Variants in ZNF653 observed in about 807,000 individuals in gnomAD.
ZNF653 encodes the protein 67 kDa zinc finger protein.
A neutral mutation model predicts 59.9 loss-of-function variants in ZNF653; 37 were observed. That is an observed-to-expected ratio of 0.62 (90% CI 0.48 to 0.81). The LOEUF is 0.81. Ranked by LOEUF, ZNF653 falls within the 40% of genes least tolerant of loss-of-function variation. ZNF653 has a pLI of 0.00. For synonymous variants in ZNF653, 435 were observed against 371.8 expected (o/e 1.17, Z -1.96); for missense variants, 808 against 881.1 (o/e 0.92, Z 1.05).
chr19:11,487,978 T>TTTTTTTA lies in ZNF653; in HGVS notation c.560-76_560-75insTAAAAAA, dbSNP rs1555736352. 1.8e-6 allele frequency: 2 copies of TTTTTTTA among 1,134,862 alleles called. No homozygotes were observed. The highest frequency in any genetic ancestry group is 2.2e-6 in the Non-Finnish European group (2 of 903,324). 70.3% of individuals were successfully genotyped at this position (1,134,862 alleles called of 1,614,324 possible). On this transcript the variant is annotated intron_variant, in intron 3 of 8. Transcript: ENST00000293771. This position sits in a 1 kb window ranked among gnomAD's most constrained non-coding sequence, Gnocchi z 5.1. ...ATTTGTTTATTTAGTTTTTATTTTATTTTATTTATTTATTTATTTATTTTT... is the reference window on the plus strand; with the variant it reads ...ATTTGTTTATTTAGTTTTTATTTTATTTTTTTATTTATTTATTTATTTATTTATTTTT...
At chr19:11,492,755 T>C (rs1971542185) in intron 3 of ZNF653, among the ~76,000 whole-genome samples, 1 of 152,214 alleles carries the variant, frequency 6.6e-6, no homozygotes, top group Non-Finnish European at 1.5e-5. Context: ...CCGAGAAGGC[T>C]GTGTGGTGCA....
At chr19:11,497,311 T>C (rs1325078778) in intron 2 of ZNF653, among the ~76,000 whole-genome samples, 1 of 152,236 alleles carries the variant, frequency 6.6e-6, no homozygotes. Flanking sequence ...GCCTGGTTCA[T>C]AGCAGGTGCT....
In ZNF653 at chr19:11,495,014, T is replaced by C. The variant is rs1054085630; in HGVS notation, c.559+936A>G. 2.2e-4 allele frequency among the ~76,000 whole-genome samples: 33 copies of C among 152,156 alleles called. No homozygotes were observed. Among genetic ancestry groups the C allele is most frequent in the African/African-American group, 7.5e-4 (31 of 41,448 alleles). ...TGGCCGACACTTGGTGGGACGGTCG[T>C]TGGCGGGGGCGCCCACCCGGAACAC... On this transcript the variant is annotated intron_variant, in intron 3 of 8. Coordinates refer to ENST00000293771, the MANE Select transcript of ZNF653 (RefSeq NM_138783.4). This position sits in a 1 kb window ranked among gnomAD's most constrained non-coding sequence, Gnocchi z 4.9.
rs997417266 is a variant in ZNF653 at position 11,495,894 on chromosome 19, G to A, written c.559+56C>T. Reference sequence around the variant, plus strand: ...TGTTTGTGATGCTAGCCTAGGGCTCGTAAGAAGCCCCCAGAAATGGGCGGC... The same window carrying A: ...TGTTTGTGATGCTAGCCTAGGGCTCATAAGAAGCCCCCAGAAATGGGCGGC... On this transcript the variant is annotated intron_variant, in intron 3 of 8. Transcript: ENST00000293771. This position sits in a 1 kb window ranked among gnomAD's most constrained non-coding sequence, Gnocchi z 4.9. 1.6e-5 allele frequency: 25 copies of A among 1,540,248 alleles called. No homozygotes were observed. The South Asian group carries it at 2.0e-4, about 12-fold the overall frequency.
rs574796261 is a variant in ZNF653 at position 11,496,604 on chromosome 19, A to T, written c.344-439T>A. ...TCCACTGGGCCAGGCGCAATGACTCACACCTGCAATCCTAGCACTTTGGGA... is the reference window on the plus strand; with the variant it reads ...TCCACTGGGCCAGGCGCAATGACTCTCACCTGCAATCCTAGCACTTTGGGA... On this transcript the variant is annotated intron_variant, in intron 2 of 8. Coordinates refer to ENST00000293771, the MANE Select transcript of ZNF653 (RefSeq NM_138783.4). Among the ~76,000 whole-genome samples the T allele has an allele frequency of 2.6e-5, 4 of 152,248 alleles. No homozygotes were observed. In the South Asian group the frequency reaches 8.3e-4, roughly 32 times the overall value.
At chr19:11,499,605 T>C (rs1392189799) in intron 1 of ZNF653, among the ~76,000 whole-genome samples, 3 of 134,228 alleles carry the variant, frequency 2.2e-5, no homozygotes, top group Non-Finnish European at 4.7e-5. Context: ...CCTCTATTTA[T>C]ACAATTAAAA....
intron 1 of ZNF653, among the ~76,000 whole-genome samples, chr19:11,503,843 C>T (rs552899971): frequency 1.3e-5 from 2 of 149,378 alleles, no homozygotes; most frequent in East Asian, 2.0e-4. Flanking sequence ...ATGGCTTACA[C>T]CTGTAATCCC....
At chr19:11,488,596 TTTC>T (rs913936452) in intron 3 of ZNF653, among the ~76,000 whole-genome samples, 6 of 132,798 alleles carry the variant, frequency 4.5e-5, no homozygotes, top group Non-Finnish European at 7.4e-5. Context: ...GAATTTTTCT[TTTC>T]TTTTCTTTTT....
At position 11,486,974 on chromosome 19, in the gene ZNF653, C is replaced by T. The variant is rs566714121; in HGVS notation, c.1343+13G>A. ...TAGCCCTCGCCCTCACCCTTGCCCG[C>T]CCCGGCACCCACTTCTCAGGCTCCT... On this transcript the variant is annotated intron_variant, in intron 5 of 8. Coordinates refer to ENST00000293771, the MANE Select transcript of ZNF653 (RefSeq NM_138783.4). The T allele has an allele frequency of 6.2e-7, 1 of 1,613,064 alleles. No homozygotes were observed. Among genetic ancestry groups the T allele is most frequent in the South Asian group, 1.1e-5 (1 of 90,908 alleles).
Position 11,486,822 on chromosome 19 carries a change from G to T in ZNF653, c.1402C>A (p.His468Asn). The T allele has an allele frequency of 6.2e-7, 1 of 1,612,250 alleles. No individual in the cohort carries two copies. The highest frequency in any genetic ancestry group is 2.2e-5 in the East Asian group (1 of 44,728). The change falls in exon 6 of 9, where the codon CAC (histidine) becomes AAC (asparagine). Residue 468 changes from histidine to asparagine, a missense_variant. His to Asn is a moderately conservative substitution (Grantham distance 68). Coordinates refer to ENST00000293771, the MANE Select transcript of ZNF653 (RefSeq NM_138783.4). ...TGGCTGCAGCCCTCGTATGGGCAGT[G>T]GAACATCTCGAGCAGGCCGTCAGCA... ...MDADGLLEMF[H>N]CPYEGCSQVY...
intron 3 of ZNF653, among the ~76,000 whole-genome samples, chr19:11,489,538 C>T (rs1414918815): frequency 6.6e-6 from 1 of 152,032 alleles, no homozygotes; most frequent in East Asian, 1.9e-4. Flanking sequence ...GTTATGCTAC[C>T]CAGGCTGTGG....
At chr19:11,497,215 G>GTC (rs1428904187) in intron 2 of ZNF653, among the ~76,000 whole-genome samples, 1 of 152,242 alleles carries the variant, frequency 6.6e-6, no homozygotes, top group Non-Finnish European at 1.5e-5. Flanking sequence ...CATGTGCCCT[G>GTC]TCTGTCTCTC....
chr19:11,498,224 T>C lies in ZNF653; in HGVS notation c.343+72A>G, dbSNP rs1030962124. The C allele has an allele frequency of 2.9e-5, 46 of 1,608,388 alleles. No individual in the cohort carries two copies. The Admixed American group carries it at 7.3e-4, about 26-fold the overall frequency. On this transcript the variant is annotated intron_variant, in intron 2 of 8. Transcript: ENST00000293771. ...CTGCCTAGGGCAGCGACCTGGCCTC[T>C]CTGGGCCTCCATCTCCATATTCCCA... is the stretch of plus-strand genomic sequence containing the variant.
chr19:11,484,240 T>G (rs1318037184), intron 7 of ZNF653, 99 bp from the exon 8 acceptor site: 4 of 980,600 alleles, frequency 4.1e-6, no homozygotes, highest in African/African-American at 1.6e-5. Flanking sequence ...GCTGTCTCCT[T>G]GGATCTCCCA....
intron 1 of ZNF653, 131 bp downstream of exon 1, chr19:11,505,357 C>A: frequency 1.0e-6 from 1 of 987,890 alleles, no homozygotes; most frequent in Non-Finnish European, 1.4e-6. Context: ...GAGACCCAGG[C>A]CGCCGGCCCG....
In ZNF653 at chr19:11,505,713, T is replaced by G; in HGVS notation, c.74A>C (p.Glu25Ala). 3.4e-6 allele frequency: 5 copies of G among 1,479,596 alleles called. No individual in the cohort carries two copies. The South Asian group carries it at 6.4e-5, about 19-fold the overall frequency. The allele number at this position is 1,479,596 out of a possible 1,614,324, so 91.7% of individuals were successfully genotyped here. A position where few individuals can be genotyped will look rare whatever the true frequency, so the allele number is the denominator to read the frequency against. Reference sequence around the variant, plus strand: ...CGCCTTTCGGCCCGCTGCGCCCTCCTCGGCTGCTGCCTCCCCGCCCGCGCC... The same window carrying G: ...CGCCTTTCGGCCCGCTGCGCCCTCCGCGGCTGCTGCCTCCCCGCCCGCGCC... ...EAGAGGEAAA[E>A]EGAAGRKARG... Residue 25 changes from glutamate to alanine, a missense_variant, in exon 1 of 9, where the codon GAG becomes GCG. Glu to Ala is a moderately radical substitution (Grantham distance 107). Transcript: ENST00000293771.
intron 1 of ZNF653, 69 bp from the exon 2 acceptor site, chr19:11,498,408 A>G: frequency 6.2e-7 from 1 of 1,601,998 alleles, no homozygotes; most frequent in Non-Finnish European, 8.6e-7. Context: ...CATGAGTAAC[A>G]ACAGTGGCTA....
Position 11,495,602 on chromosome 19 carries a change from G to A in ZNF653, c.559+348C>T, listed in dbSNP as rs1020124162. The A allele has an allele frequency of 1.4e-5, 5 of 349,226 alleles. No homozygotes were observed. Among genetic ancestry groups the A allele is most frequent in the East Asian group, 1.4e-4 (2 of 14,384 alleles). The allele number at this position is 349,226 out of a possible 1,614,324, so 21.6% of individuals were successfully genotyped here. ...TAAGGCCTGGGTGGTTTAGGCGGCCGTTTCGCTGTGGGGGCCGAGCCCTGC... is the reference window on the plus strand; with the variant it reads ...TAAGGCCTGGGTGGTTTAGGCGGCCATTTCGCTGTGGGGGCCGAGCCCTGC... On this transcript the variant is annotated intron_variant, in intron 3 of 8. Coordinates refer to ENST00000293771, the MANE Select transcript of ZNF653 (RefSeq NM_138783.4). This position sits in a 1 kb window ranked among gnomAD's most constrained non-coding sequence, Gnocchi z 4.9.
In ZNF653 at chr19:11,496,028, C is replaced by T. The variant is rs755657161; in HGVS notation, c.481G>A (p.Glu161Lys). Residue 161 changes from glutamate to lysine, a missense_variant, in exon 3 of 9, where the codon GAA becomes AAA. Coordinates refer to ENST00000293771, the MANE Select transcript of ZNF653 (RefSeq NM_138783.4). ...TCCTGGAAGTAGCGGTGGCCAGCTT[C>T]GCACTGCCACACGGCCGTGGTGTAC... ...GLYTTAVWQC[E>K]AGHRYFQDLH... 13 of 1,614,052 alleles carry T rather than the reference C, an allele frequency of 8.1e-6. No homozygotes were observed. Among genetic ancestry groups the T allele is most frequent in the South Asian group, 4.4e-5 (4 of 91,094 alleles).
Sources: gnomAD v4.1 joint callset for allele counts (sites outside exome capture counted in the v4.1 genomes callset) on GRCh38, gnomAD v4.1.1 for gene constraint, Gnocchi (gnomAD v3.1) non-coding constraint, MANE v1.5 for transcripts, NCBI Gene and HGNC (gene_info 2026-07-23, HGNC 2026-07-21) for gene names.